Variants in RAB27A observed in about 807,000 individuals in gnomAD.
RAB27A encodes the protein RAB27A, member RAS oncogene family.
A neutral mutation model predicts 20.8 loss-of-function variants in RAB27A; 17 were observed. The ratio of observed to expected loss-of-function variants is 0.82; its 90% confidence interval spans 0.56 to 1.23. The LOEUF (loss-of-function observed/expected upper bound fraction) is 1.23, where lower values mean the gene tolerates loss of function less well. Ranked by LOEUF, RAB27A falls within the 50% of genes most tolerant of loss-of-function variation. The probability of loss-of-function intolerance (pLI) is 0.00; values close to 1 mark genes in which losing one functional copy is unlikely to be tolerated. For missense variants in RAB27A, 277 were observed against 266.7 expected, an observed-to-expected ratio of 1.04 and a Z score of -0.27; for synonymous variants, 85 against 92.8, an observed-to-expected ratio of 0.92 and a Z score of 0.48.
intron 2 of RAB27A, among the ~76,000 whole-genome samples, chr15:55,241,625 T>C (rs187081528): frequency 1.7e-5 from 2 of 119,412 alleles, no homozygotes; most frequent in East Asian, 2.0e-4. Flanking sequence ...TATATATATA[T>C]GTGTGTATAT....
intron 3 of RAB27A, 113 bp downstream of exon 3, chr15:55,234,669 C>G: frequency 1.7e-6 from 2 of 1,208,280 alleles, no homozygotes; most frequent in South Asian, 2.5e-5. Flanking sequence ...TCATATGTAC[C>G]TTTAATTTCA....
chr15:55,270,821 C>A (rs761644849), intron 1 of RAB27A: 3 of 152,212 alleles, frequency 2.0e-5, no homozygotes, highest in Non-Finnish European at 2.9e-5. Flanking sequence ...ACCCAGATAT[C>A]TTGCTGGCAT....
chr15:55,317,523 C>A, intron 1 of RAB27A: 1 of 351,406 alleles, frequency 2.8e-6, no homozygotes, highest in South Asian at 1.5e-4. Context: ...CCATGTTGGT[C>A]AGGCTGGTCT....
At chr15:55,224,081 T>C in intron 5 of RAB27A, 69 bp from the exon 6 acceptor site, 1 of 1,260,998 alleles carries the variant, frequency 7.9e-7, no homozygotes, top group Non-Finnish European at 1.1e-6. Context: ...GAACAATACA[T>C]GCAAAAGTGC....
At chr15:55,315,416 T>A (rs2055038584) in intron 1 of RAB27A, among the ~76,000 whole-genome samples, 1 of 151,990 alleles carries the variant, frequency 6.6e-6, no homozygotes, top group South Asian at 2.1e-4. Context: ...ACAAATGGGA[T>A]CTAATTAAAG....
rs376130474 is a variant in RAB27A, at chr15:55,234,946, C to T, written c.-12G>A. ...TCTCCATCAGACATAATGAAGAACT[C>T]AGTAGTTCACCTGTAAAATACACAC... On this transcript the variant is annotated 5_prime_UTR_variant, in exon 3 of 7. Transcript: ENST00000336787. 8.1e-6 allele frequency: 13 copies of T among 1,608,228 alleles called. No homozygotes were observed. Among genetic ancestry groups the T allele is most frequent in the South Asian group, 1.1e-5 (1 of 90,762 alleles).
At chr15:55,285,405 A>C (rs1196897782) in intron 1 of RAB27A, among the ~76,000 whole-genome samples, 5 of 152,146 alleles carry the variant, frequency 3.3e-5, no homozygotes, top group African/African-American at 1.2e-4. Context: ...ATAAAATATG[A>C]GTATTACTAG....
chr15:55,274,614 T>C (rs1344723882), intron 1 of RAB27A, among the ~76,000 whole-genome samples: 2 of 149,400 alleles, frequency 1.3e-5, no homozygotes, highest in Non-Finnish European at 3.0e-5. Context: ...CCCGTTTCTA[T>C]TAAAAACACA....
intron 2 of RAB27A, among the ~76,000 whole-genome samples, chr15:55,243,948 T>C (rs1896590439): frequency 6.6e-6 from 1 of 152,152 alleles, no homozygotes. Context: ...TCAAAATTCA[T>C]ATCCTAAGTC....
In RAB27A at chr15:55,264,727, A is replaced by C. The variant is rs188718086; in HGVS notation, c.-23+5438T>G. On this transcript the variant is annotated intron_variant, in intron 2 of 6. Coordinates refer to ENST00000336787, the MANE Select transcript of RAB27A (RefSeq NM_183235.3). The stretch of plus-strand genomic sequence containing the variant: ...GCCTCCACCAATGATCCAAAGATAT[A>C]CTAGTAAAGCTTGATGCCACTGAGG... 2.2e-4 allele frequency among the ~76,000 whole-genome samples: 34 copies of C among 152,356 alleles called. No individual in the cohort carries two copies. The East Asian group carries it at 6.4e-3, about 29-fold the overall frequency.
intron 1 of RAB27A, among the ~76,000 whole-genome samples, chr15:55,275,579 T>C (rs373449347): frequency 2.6e-5 from 4 of 151,406 alleles, no homozygotes; most frequent in South Asian, 2.1e-4. Context: ...TGAGCAGAGG[T>C]TGTGCCATTG....
Position 55,283,918 on chromosome 15 carries a change from C to T in RAB27A, c.-143+5798G>A, listed in dbSNP as rs529388161. Among the ~76,000 whole-genome samples the T allele has an allele frequency of 1.2e-4, 18 of 152,250 alleles. 1 individual carries two copies. The highest frequency in any genetic ancestry group is 4.6e-4 in the Admixed American group (7 of 15,284). ...CACAGCAGATTAGTATTTAGCCATACCCTGATAGGACTTGACCAGCCTCCC... is the reference window on the plus strand; with the variant it reads ...CACAGCAGATTAGTATTTAGCCATATCCTGATAGGACTTGACCAGCCTCCC... On this transcript the variant is annotated intron_variant, in intron 1 of 6. Coordinates refer to ENST00000336787, the MANE Select transcript of RAB27A (RefSeq NM_183235.3).
At position 55,223,931 on chromosome 15, in the gene RAB27A, ACT is replaced by A. The variant is rs766575263; in HGVS notation, c.423_424del (p.Arg141SerfsTer20). ...TGCTATGGCTTCCTCCTCTTTCACT[ACT>A]CTCTGGTCCTCCAGATCACTCTTGT... On this transcript the variant is annotated frameshift_variant, in exon 6 of 7. Coordinates refer to ENST00000336787, the MANE Select transcript of RAB27A (RefSeq NM_183235.3). LOFTEE classifies it high-confidence loss of function. 8 of 1,613,550 alleles carry A rather than the reference ACT, an allele frequency of 5.0e-6. No homozygotes were observed. The highest frequency in any genetic ancestry group is 6.8e-6 in the Non-Finnish European group (8 of 1,179,868).
intron 5 of RAB27A, among the ~76,000 whole-genome samples, chr15:55,227,378 G>A (rs1895851809): frequency 6.6e-6 from 1 of 152,190 alleles, no homozygotes; most frequent in African/African-American, 2.4e-5. Flanking sequence ...GAGGGATGAT[G>A]AACACGGGCT....
At position 55,204,082 on chromosome 15, in the gene RAB27A, A is replaced by G. The variant is rs941472390; in HGVS notation, c.*1425T>C. ...GTTCTACCAAACATTTGCCACCACA[A>G]AATACAAGTATTTTTATTCTTTATT... On this transcript the variant is annotated 3_prime_UTR_variant, in exon 7 of 7. Transcript: ENST00000336787. 5 of 152,296 alleles carry G rather than the reference A, an allele frequency of 3.3e-5. No individual in the cohort carries two copies. Among genetic ancestry groups the G allele is most frequent in the African/African-American group, 1.2e-4 (5 of 41,562 alleles). The allele number at this position is 152,296 out of a possible 1,614,324, so 9.4% of individuals were successfully genotyped here.
At chr15:55,299,334 C>G (rs2054962075) in intron 2 of RAB27A, among the ~76,000 whole-genome samples, 2 of 152,242 alleles carry the variant, frequency 1.3e-5, no homozygotes, top group Non-Finnish European at 2.9e-5. Flanking sequence ...TGCCTCATGC[C>G]TGTAATCCCA....
chr15:55,297,054 A>C (rs2054952424), intron 2 of RAB27A, among the ~76,000 whole-genome samples: 1 of 152,238 alleles, frequency 6.6e-6, no homozygotes, highest in Admixed American at 6.5e-5. Context: ...CCACAAATGC[A>C]TCCAGAGAGG....
chr15:55,301,196 G>A (rs112829154), intron 2 of RAB27A, among the ~76,000 whole-genome samples: 19 of 152,190 alleles, frequency 1.2e-4, no homozygotes, highest in African/African-American at 3.9e-4. Flanking sequence ...GGGCTCAAGC[G>A]ATTCTCCTGC....
At chr15:55,300,137 C>T (rs1011155142) in intron 2 of RAB27A, among the ~76,000 whole-genome samples, 5 of 151,926 alleles carry the variant, frequency 3.3e-5, no homozygotes, top group Admixed American at 2.6e-4. Flanking sequence ...ATTTCTTGAT[C>T]ATTATATTGT....
Sources: allele counts gnomAD v4.1 joint callset (sites outside exome capture counted in the v4.1 genomes callset), GRCh38; gene constraint gnomAD v4.1.1; transcripts MANE v1.5; gene names NCBI Gene and HGNC (gene_info 2026-07-23, HGNC 2026-07-21).